GABRG3: variants seen among roughly 807,000 people sequenced by gnomAD.
GABRG3 encodes gamma-aminobutyric acid type A receptor subunit gamma3.
A neutral mutation model predicts 48.8 loss-of-function variants in GABRG3; 25 were observed. That is an observed-to-expected ratio of 0.51 (90% CI 0.37 to 0.72). The LOEUF (loss-of-function observed/expected upper bound fraction) is 0.72. Ranked by LOEUF, GABRG3 falls within the 30% of genes least tolerant of loss-of-function variation. The pLI, the probability that GABRG3 is intolerant of heterozygous loss-of-function variation, is 0.00. For missense variants in GABRG3, 394 were observed against 577.9 expected (o/e 0.68, Z 3.26); for synonymous variants, 227 against 217.6 (o/e 1.04, Z -0.38).
intron 5 of GABRG3, among the ~76,000 whole-genome samples, chr15:27,465,060 G>A (rs1001606689): frequency 1.3e-5 from 2 of 152,088 alleles, no homozygotes; most frequent in Non-Finnish European, 2.9e-5. Context: ...ACTTAAGAAG[G>A]CACATGCTTC....
At chr15:27,488,852 T>C (rs1890279605) in intron 6 of GABRG3, among the ~76,000 whole-genome samples, 1 of 152,226 alleles carries the variant, frequency 6.6e-6, no homozygotes. Context: ...AGTTTCATTA[T>C]TTAAAATTTA....
At chr15:27,170,476 A>G (rs188291274) in intron 3 of GABRG3, among the ~76,000 whole-genome samples, 3 of 152,320 alleles carry the variant, frequency 2.0e-5, no homozygotes, top group East Asian at 1.9e-4. Flanking sequence ...TTAAGAGTCA[A>G]TAAGGGAGAT....
chr15:27,171,842 G>A (rs999077197), intron 3 of GABRG3, among the ~76,000 whole-genome samples: 3 of 152,036 alleles, frequency 2.0e-5, no homozygotes, highest in African/African-American at 7.2e-5. Flanking sequence ...AATTTTCTAC[G>A]ACTGTAATAG....
At chr15:27,226,132 T>C (rs899676043) in intron 3 of GABRG3, among the ~76,000 whole-genome samples, 1 of 151,994 alleles carries the variant, frequency 6.6e-6, no homozygotes, top group Non-Finnish European at 1.5e-5. Flanking sequence ...TGAAAGTCAG[T>C]AGGGCCCTGA....
At chr15:27,478,443 CAA>C (rs761181414) in intron 5 of GABRG3, among the ~76,000 whole-genome samples, 2 of 152,132 alleles carry the variant, frequency 1.3e-5, no homozygotes, top group Non-Finnish European at 2.9e-5. Flanking sequence ...ACAAATCAAA[CAA>C]TGATGATATG....
chr15:27,157,627 T>C (rs1027917952), intron 3 of GABRG3: 3 of 152,214 alleles, frequency 2.0e-5, no homozygotes, highest in African/African-American at 7.2e-5. Flanking sequence ...ACTACCTATG[T>C]GACACTGGGT....
At chr15:27,103,961 G>A (rs1327355384) in intron 3 of GABRG3, among the ~76,000 whole-genome samples, 1 of 152,160 alleles carries the variant, frequency 6.6e-6, no homozygotes, top group African/African-American at 2.4e-5. Context: ...TTAATAATTA[G>A]TGGGAAGATA....
chr15:27,222,100 C>G (rs985525744), intron 3 of GABRG3, among the ~76,000 whole-genome samples: 21 of 152,328 alleles, frequency 1.4e-4, no homozygotes, highest in African/African-American at 5.1e-4. Context: ...GAACCTTAGT[C>G]CCTTAAATCT....
At chr15:27,001,899 T>C (rs1350670562) in intron 2 of GABRG3, among the ~76,000 whole-genome samples, 1 of 150,930 alleles carries the variant, frequency 6.6e-6, no homozygotes, top group Non-Finnish European at 1.5e-5. Context: ...TTTTTTTTTT[T>C]TTTTAAGATA....
At chr15:27,168,877 C>G (rs1451585737) in intron 3 of GABRG3, among the ~76,000 whole-genome samples, 3 of 152,192 alleles carry the variant, frequency 2.0e-5, no homozygotes, top group Non-Finnish European at 2.9e-5. Context: ...AATGAAAGGA[C>G]TGAGAAAACC....
intron 5 of GABRG3, among the ~76,000 whole-genome samples, chr15:27,377,809 G>T (rs75190350): frequency 6.6e-6 from 1 of 152,176 alleles, no homozygotes; most frequent in Non-Finnish European, 1.5e-5. Context: ...ACTTTGTAAA[G>T]CTTGTATATA....
chr15:27,192,500 C>G (rs954067221), intron 3 of GABRG3, among the ~76,000 whole-genome samples: 42 of 152,328 alleles, frequency 2.8e-4, no homozygotes, highest in African/African-American at 9.9e-4. Flanking sequence ...GATACCCTTT[C>G]TTCCAGTTGA....
intron 5 of GABRG3, among the ~76,000 whole-genome samples, chr15:27,459,759 C>CA (rs1491485136): frequency 4.6e-5 from 7 of 152,174 alleles, no homozygotes; most frequent in South Asian, 2.1e-4. Context: ...TGCACACACA[C>CA]CCACACTTCC....
At chr15:27,181,639 T>C (rs928065583) in intron 3 of GABRG3, among the ~76,000 whole-genome samples, 2 of 152,206 alleles carry the variant, frequency 1.3e-5, no homozygotes, top group Non-Finnish European at 2.9e-5. Context: ...TTGTTTCTCT[T>C]TCTGTTATAT....
intron 5 of GABRG3, among the ~76,000 whole-genome samples, chr15:27,382,084 C>T (rs1895793814): frequency 6.6e-6 from 1 of 152,100 alleles, no homozygotes; most frequent in South Asian, 2.1e-4. Context: ...GATAAAACTT[C>T]ATTAAAGATC....
chr15:26,971,368 G>GC lies in GABRG3; in HGVS notation c.-164dup, dbSNP rs1463378295. 57 of 412,172 alleles carry GC rather than the reference G, an allele frequency of 1.4e-4. No homozygotes were observed. The highest frequency in any genetic ancestry group is 1.2e-4 in the Non-Finnish European group (29 of 247,516). 25.5% of individuals were successfully genotyped at this position (412,172 alleles called of 1,614,324 possible). A position where few individuals can be genotyped will look rare whatever the true frequency, so the allele number is the denominator to read the frequency against. Reference sequence around the variant, plus strand: ...GGCGTCCCGTGTGCGTCCAGTGTGCGCCCCGCGGGGGCGCGGCCAGCGCCA... The same window carrying GC: ...GGCGTCCCGTGTGCGTCCAGTGTGCGCCCCCGCGGGGGCGCGGCCAGCGCCA... On this transcript the variant is annotated 5_prime_UTR_variant, in exon 1 of 10. Coordinates refer to ENST00000615808, the MANE Select transcript of GABRG3 (RefSeq NM_033223.5).
rs2140633296 is a variant in GABRG3, at chr15:26,976,182, G to A, written c.54-820G>A. Among the ~76,000 whole-genome samples the A allele has an allele frequency of 6.6e-6, 1 of 151,528 alleles. No homozygotes were observed. The highest frequency in any genetic ancestry group is 2.1e-4 in the South Asian group (1 of 4,780). ...GAGGCCTCTCCATTCAGGCACTCCT[G>A]TCAGTGTGTGTCACACGGGAGAGGA... is the stretch of plus-strand genomic sequence containing the variant. On this transcript the variant is annotated intron_variant, in intron 1 of 9. Transcript: ENST00000615808. The surrounding 1 kb of genome is among the most constrained non-coding windows in gnomAD (Gnocchi z 7.8).
At chr15:27,147,651 G>A (rs1898233942) in intron 3 of GABRG3, among the ~76,000 whole-genome samples, 1 of 151,584 alleles carries the variant, frequency 6.6e-6, no homozygotes, top group South Asian at 2.1e-4. Flanking sequence ...GAATGAAATG[G>A]GAAATCAACA....
chr15:27,416,436 T>C (rs970147880), intron 5 of GABRG3, among the ~76,000 whole-genome samples: 1 of 152,132 alleles, frequency 6.6e-6, no homozygotes, highest in African/African-American at 2.4e-5. Context: ...GTTTGAACAG[T>C]ATCTGCTGAG....
Sources: gnomAD v4.1 joint callset for allele counts (sites outside exome capture counted in the v4.1 genomes callset) on GRCh38, gnomAD v4.1.1 for gene constraint, Gnocchi (gnomAD v3.1) non-coding constraint, MANE v1.5 for transcripts, NCBI Gene and HGNC (gene_info 2026-07-23, HGNC 2026-07-21) for gene names.